Variants in TRPM5 observed in about 807,000 individuals in gnomAD.
TRPM5 encodes the protein MLSN1 and TRP-related.
Under a neutral mutation model 124.9 loss-of-function variants are expected in TRPM5, and 121 were observed. The observed-to-expected ratio is 0.97, with a 90% CI of 0.84 to 1.13. TRPM5 has a LOEUF of 1.13. Ranked by LOEUF, TRPM5 falls within the 50% of genes most tolerant of loss-of-function variation. TRPM5 has a pLI of 0.00. For synonymous variants in TRPM5, 781 were observed against 700.5 expected (o/e 1.11, Z -1.81); for missense variants, 1,643 against 1,589.1 (o/e 1.03, Z -0.58).
At chr11:2,411,841 C>G (rs984224177) in intron 16 of TRPM5, 74 bp from the exon 22 acceptor site, 2 of 1,576,906 alleles carry the variant, frequency 1.3e-6, no homozygotes, top group African/African-American at 1.4e-5. Flanking sequence ...ACACAGCATG[C>G]TGGCTGCGGG....
intron 18 of TRPM5, among the ~76,000 whole-genome samples, chr11:2,409,386 A>G (rs1281936587): frequency 1.3e-5 from 2 of 151,124 alleles, no homozygotes; most frequent in South Asian, 2.1e-4. Context: ...GAGGAATGAG[A>G]CCCCCACACC....
At chr11:2,407,385 G>T in intron 19 of TRPM5, 85 bp from the exon 25 acceptor site, 1 of 1,376,706 alleles carries the variant, frequency 7.3e-7, no homozygotes, top group Non-Finnish European at 9.9e-7. Flanking sequence ...ATTGCTGTTG[G>T]GGAGCCCTTT....
At chr11:2,429,090 G>GGTGGTGGTGATGATAGTA in the TRPM5 span, among the ~76,000 whole-genome samples, 2 of 149,758 alleles carry the variant, frequency 1.3e-5, no homozygotes, top group Non-Finnish European at 3.0e-5. The surrounding 1 kb of genome is among the most constrained non-coding windows in gnomAD (Gnocchi z 8.4). Context: ...TGATGATAGT[G>GGTGGTGGTGATGATAGTA]GAGGTGGTAG....
chr11:2,415,032 T>C (rs144744237), exon 10 of TRPM5: 10 of 1,602,194 alleles, frequency 6.2e-6, no homozygotes, highest in African/African-American at 1.3e-5. Context: ...GTGGGCCGCT[T>C]GGCCGGGCCC....
At chr11:2,420,077 G>T in intron 4 of TRPM5, 145 bp downstream of exon 9, 3 of 316,042 alleles carry the variant, frequency 9.5e-6, no homozygotes, top group Non-Finnish European at 1.3e-5. Context: ...CACGGCCCAG[G>T]TCTCGGTGCT....
intron 19 of TRPM5, 137 bp from the exon 25 acceptor site, chr11:2,407,437 G>T: frequency 2.3e-6 from 2 of 875,214 alleles, no homozygotes; most frequent in Non-Finnish European, 3.5e-6. Context: ...TGCCTCTGGG[G>T]TGTGTCACGA....
the TRPM5 span, among the ~76,000 whole-genome samples, chr11:2,439,318 T>C: frequency 2.4e-4 from 36 of 152,300 alleles, no homozygotes; most frequent in African/African-American, 8.7e-4. Flanking sequence ...AAAATATACA[T>C]TGACAAGTGG....
upstream of TRPM5, among the ~76,000 whole-genome samples, chr11:2,427,328 C>T (rs1005013546): frequency 1.1e-4 from 17 of 152,236 alleles, no homozygotes; most frequent in African/African-American, 3.9e-4. Context: ...TACCTGTCTG[C>T]CTTCTCCCCA....
At chr11:2,440,045 G>A in the TRPM5 span, among the ~76,000 whole-genome samples, 1 of 152,136 alleles carries the variant, frequency 6.6e-6, no homozygotes, top group Non-Finnish European at 1.5e-5. The surrounding 1 kb of genome is among the most constrained non-coding windows in gnomAD (Gnocchi z 5.2). Context: ...GGGTCCAGCT[G>A]GACACCATTA....
chr11:2,411,048 G>A (rs571926479), intron 18 of TRPM5, among the ~76,000 whole-genome samples: 2 of 152,194 alleles, frequency 1.3e-5, no homozygotes, highest in South Asian at 4.1e-4. Flanking sequence ...CTTGCTGCTT[G>A]GCCTCCCCAA....
chr11:2,409,987 A>C (rs1000328464), intron 18 of TRPM5, among the ~76,000 whole-genome samples: 1 of 152,158 alleles, frequency 6.6e-6, no homozygotes, highest in African/African-American at 2.4e-5. Flanking sequence ...CCACTCAAGA[A>C]AGAGGGGACC....
chr11:2,427,466 G>A (rs1199098732), upstream of TRPM5, among the ~76,000 whole-genome samples: 1 of 152,194 alleles, frequency 6.6e-6, no homozygotes, highest in African/African-American at 2.4e-5. Context: ...CCTGGCACCT[G>A]GGCAGCCAAT....
At chr11:2,414,693 G>A in intron 11 of TRPM5, 22 bp downstream of exon 16, 1 of 1,524,196 alleles carries the variant, frequency 6.6e-7, no homozygotes, top group South Asian at 1.2e-5. Context: ...CGCGGGCCCG[G>A]CCCCAGCCGC....
intron 12 of TRPM5, 52 bp downstream of exon 17, chr11:2,414,009 G>GGGGGCGCCCCCCCCCCC: frequency 2.9e-6 from 3 of 1,023,728 alleles, no homozygotes; most frequent in Non-Finnish European, 4.3e-6. Flanking sequence ...GGCCCAGCTC[G>GGGGGCGCCCCCCCCCCC]CCCGCCCACC....
At chr11:2,422,783 G>T in intron 1 of TRPM5, 137 bp downstream of exon 6, 1 of 750,834 alleles carries the variant, frequency 1.3e-6, no homozygotes, top group Non-Finnish European at 2.3e-6. Context: ...CCTGTCTGGG[G>T]GCTCTGAATA....
At chr11:2,406,882 G>A in intron 20 of TRPM5, 89 bp from the exon 26 acceptor site, 1 of 1,520,058 alleles carries the variant, frequency 6.6e-7, no homozygotes, top group Non-Finnish European at 8.8e-7. Context: ...AGGTGGGCCA[G>A]GCAGAAGGAG....
chr11:2,405,079 C>T (rs1250327265), intron 23 of TRPM5, 36 bp from the exon 29 acceptor site: 1 of 1,577,966 alleles, frequency 6.3e-7, no homozygotes, highest in African/African-American at 1.3e-5. Context: ...GCGGTGGGAA[C>T]CAGCAAGGCA....
chr11:2,427,883 G>A (rs987902472), upstream of TRPM5, among the ~76,000 whole-genome samples: 1 of 152,116 alleles, frequency 6.6e-6, no homozygotes, highest in Admixed American at 6.5e-5. Flanking sequence ...GGGAGGCAGA[G>A]GGACTGTCTC....
chr11:2,407,179 G>A, exon 20 of TRPM5: 1 of 1,611,696 alleles, frequency 6.2e-7, no homozygotes, highest in Non-Finnish European at 8.5e-7. Flanking sequence ...GTCAGGCTCA[G>A]GTGGCTGAGC....
Sources: gnomAD v4.1 joint callset for allele counts (sites outside exome capture counted in the v4.1 genomes callset) on GRCh38, gnomAD v4.1.1 for gene constraint, Gnocchi (gnomAD v3.1) non-coding constraint, MANE v1.5 for transcripts, NCBI Gene and HGNC (gene_info 2026-07-23, HGNC 2026-07-21) for gene names.